Variants in GPC6 observed in about 807,000 individuals in gnomAD.
GPC6 encodes glypican 6.
A neutral mutation model predicts 55.2 loss-of-function variants in GPC6; 14 were observed. The observed-to-expected ratio is 0.25, with a 90% CI of 0.17 to 0.40. The LOEUF (loss-of-function observed/expected upper bound fraction) is 0.40. Ranked by LOEUF, GPC6 falls within the 10% of genes least tolerant of loss-of-function variation. GPC6 has a pLI of 1.00. For missense variants in GPC6, 641 were observed against 708.5 expected, an observed-to-expected ratio of 0.90 and a Z score of 1.08; for synonymous variants, 278 against 259.6, an observed-to-expected ratio of 1.07 and a Z score of -0.68.
intron 2 of GPC6, among the ~76,000 whole-genome samples, chr13:93,682,064 C>T (rs371187346): frequency 6.6e-5 from 10 of 152,004 alleles, no homozygotes; most frequent in African/African-American, 2.4e-4. Flanking sequence ...TAGCAGTATT[C>T]TGAAAAGTCT....
chr13:94,195,984 C>T (rs188883103), intron 4 of GPC6, among the ~76,000 whole-genome samples: 3 of 152,326 alleles, frequency 2.0e-5, no homozygotes, highest in Non-Finnish European at 4.4e-5. Flanking sequence ...AATGTTTGCT[C>T]AGTGTGCTGG....
intron 2 of GPC6, among the ~76,000 whole-genome samples, chr13:93,661,622 G>C (rs1880923654): frequency 6.6e-6 from 1 of 152,152 alleles, no homozygotes; most frequent in Non-Finnish European, 1.5e-5. Flanking sequence ...TCCAGGGAAG[G>C]CTGAGTGATA....
At chr13:93,365,927 G>A (rs2139184656) in intron 1 of GPC6, among the ~76,000 whole-genome samples, 1 of 152,134 alleles carries the variant, frequency 6.6e-6, no homozygotes, top group African/African-American at 2.4e-5. Context: ...TAAAATATTA[G>A]CAGAAAATAT....
intron 1 of GPC6, among the ~76,000 whole-genome samples, chr13:93,290,390 C>T (rs747309827): frequency 6.6e-6 from 1 of 152,030 alleles, no homozygotes; most frequent in Non-Finnish European, 1.5e-5. Context: ...TACAACTATC[C>T]ACCCTTACGT....
intron 7 of GPC6, among the ~76,000 whole-genome samples, chr13:94,388,767 T>C (rs1300125820): frequency 6.6e-6 from 1 of 152,184 alleles, no homozygotes; most frequent in Non-Finnish European, 1.5e-5. Context: ...CTGGTTCCTT[T>C]CTCTTATAAG....
intron 1 of GPC6, among the ~76,000 whole-genome samples, chr13:93,530,318 A>G (rs939961735): frequency 2.6e-5 from 4 of 152,294 alleles, no homozygotes; most frequent in Non-Finnish European, 1.5e-5. Context: ...CATAGTCCCC[A>G]CTGTCCACCA....
At position 94,232,382 on chromosome 13, in the gene GPC6, G is replaced by A. The variant is rs79610951; in HGVS notation, c.878-53967G>A. Among the ~76,000 whole-genome samples the A allele has an allele frequency of 7.8e-4, 119 of 152,302 alleles. 2 individuals are homozygous for A. The East Asian group carries it at 0.023, about 29-fold the overall frequency. ...AACACGGAGCAGTGCTTTCATGGTC[G>A]CCTGCCACGTCACACACTGGCACTG... On this transcript the variant is annotated intron_variant, in intron 4 of 8. Coordinates refer to ENST00000377047, the MANE Select transcript of GPC6 (RefSeq NM_005708.5).
chr13:93,358,975 C>CT (rs1555293628), intron 1 of GPC6, among the ~76,000 whole-genome samples: 4,883 of 99,346 alleles, frequency 0.049, 87 homozygotes, highest in African/African-American at 0.079. Flanking sequence ...TTCTCTCTCT[C>CT]TTTTTTTTTT....
chr13:93,973,555 AG>A (rs1880384233), intron 3 of GPC6, among the ~76,000 whole-genome samples: 1 of 152,078 alleles, frequency 6.6e-6, no homozygotes, highest in Non-Finnish European at 1.5e-5. Context: ...AAAATAAGAG[AG>A]TGAGAGAAGG....
chr13:93,924,956 T>C (rs1189514340), intron 3 of GPC6, among the ~76,000 whole-genome samples: 5 of 152,266 alleles, frequency 3.3e-5, no homozygotes, highest in East Asian at 1.9e-4. Flanking sequence ...AGTGGCCAGT[T>C]TGGATTACTT....
intron 2 of GPC6, among the ~76,000 whole-genome samples, chr13:93,759,292 A>T (rs988825356): frequency 6.6e-6 from 1 of 152,086 alleles, no homozygotes; most frequent in Non-Finnish European, 1.5e-5. Context: ...TGTATCCCCC[A>T]CTTGGGTTAT....
intron 8 of GPC6, among the ~76,000 whole-genome samples, chr13:94,399,913 C>T (rs1881056700): frequency 6.6e-6 from 1 of 152,186 alleles, no homozygotes; most frequent in African/African-American, 2.4e-5. Context: ...CTCATTTTAT[C>T]CATTGTCTTC....
intron 4 of GPC6, among the ~76,000 whole-genome samples, chr13:94,070,328 G>C: frequency 6.6e-6 from 1 of 152,192 alleles, no homozygotes; most frequent in Non-Finnish European, 1.5e-5. Flanking sequence ...TGTAGGAATT[G>C]TCGGAGTTAC....
At chr13:93,330,664 C>G (rs1290777485) in intron 1 of GPC6, among the ~76,000 whole-genome samples, 1 of 152,124 alleles carries the variant, frequency 6.6e-6, no homozygotes, top group East Asian at 1.9e-4. Flanking sequence ...ACTTGCGTAC[C>G]CCAGCTCCTT....
intron 1 of GPC6, among the ~76,000 whole-genome samples, chr13:93,483,810 A>G (rs1879604397): frequency 6.6e-6 from 1 of 152,122 alleles, no homozygotes; most frequent in African/African-American, 2.4e-5. Flanking sequence ...TGTTGTTTCA[A>G]TTGTCAGTGT....
chr13:93,326,651 G>C (rs536810482), intron 1 of GPC6, among the ~76,000 whole-genome samples: 6 of 152,216 alleles, frequency 3.9e-5, no homozygotes, highest in Admixed American at 6.5e-5. Context: ...AACATGTACA[G>C]AACATATTTT....
intron 2 of GPC6, among the ~76,000 whole-genome samples, chr13:93,630,142 G>A (rs745855927): frequency 6.6e-6 from 1 of 152,196 alleles, no homozygotes; most frequent in Non-Finnish European, 1.5e-5. Context: ...GATTGGATTG[G>A]CCATTAGCCT....
chr13:93,542,207 G>A (rs1164210788), intron 1 of GPC6, among the ~76,000 whole-genome samples: 1 of 152,190 alleles, frequency 6.6e-6, no homozygotes, highest in African/African-American at 2.4e-5. Context: ...TGTGTAAGGT[G>A]TAAGGAAGGG....
At chr13:93,371,806 A>G (rs1444780193) in intron 1 of GPC6, among the ~76,000 whole-genome samples, 7 of 151,730 alleles carry the variant, frequency 4.6e-5, no homozygotes. Flanking sequence ...TAATGGGCGC[A>G]TCTCTGTGTA....
Sources: gnomAD v4.1 joint callset for allele counts (sites outside exome capture counted in the v4.1 genomes callset) on GRCh38, gnomAD v4.1.1 for gene constraint, MANE v1.5 for transcripts, NCBI Gene and HGNC (gene_info 2026-07-23, HGNC 2026-07-21) for gene names.